ZP3: variants seen among roughly 807,000 people sequenced by gnomAD.
The protein encoded by ZP3 is zona pellucida sperm-binding protein 3.
A neutral mutation model predicts 35.6 loss-of-function variants in ZP3; 21 were observed. The observed-to-expected ratio is 0.59, with a 90% CI of 0.42 to 0.85. The LOEUF (loss-of-function observed/expected upper bound fraction) is 0.85. Among genes scored for constraint, ZP3 ranks in the 40% least tolerant of loss-of-function variants. The probability of loss-of-function intolerance (pLI) is 0.00; values close to 1 mark genes in which losing one functional copy is unlikely to be tolerated. For missense variants in ZP3, 437 were observed against 536.5 expected, an observed-to-expected ratio of 0.81 and a Z score of 1.83; for synonymous variants, 207 against 214.5, an observed-to-expected ratio of 0.96 and a Z score of 0.31.
chr7:76,433,887 C>G (rs1326265586), intron 4 of ZP3, 151 bp from the exon 5 acceptor site: 2 of 973,352 alleles, frequency 2.1e-6, no homozygotes, highest in African/African-American at 3.3e-5. Context: ...TTAGTAGAGA[C>G]AAGGTTTCAC....
intron 1 of ZP3, among the ~76,000 whole-genome samples, chr7:76,415,724 T>C (rs904817849): frequency 1.3e-5 from 2 of 151,062 alleles, no homozygotes; most frequent in African/African-American, 4.9e-5. Context: ...CTTGATCTCC[T>C]GACCTCGTGA....
chr7:76,414,789 C>T (rs79850662), intron 1 of ZP3, among the ~76,000 whole-genome samples: 1 of 1,674 alleles, frequency 6.0e-4, no homozygotes, highest in African/African-American at 2.1e-3. Flanking sequence ...GCCCCACCTG[C>T]GCCTCCTGAG....
chr7:76,440,388 G>A (rs781273562), intron 6 of ZP3, 47 bp downstream of exon 6: 98 of 1,611,618 alleles, frequency 6.1e-5, no homozygotes, highest in Non-Finnish European at 8.0e-5. Context: ...CTGAATCGGC[G>A]ACCCCTTGTC....
chr7:76,426,231 C>G, intron 1 of ZP3, among the ~76,000 whole-genome samples: 1 of 152,126 alleles, frequency 6.6e-6, no homozygotes, highest in East Asian at 1.9e-4. Flanking sequence ...AGGAAAAGAC[C>G]AAGAAATCCA....
intron 1 of ZP3, chr7:76,397,839 A>G: frequency 6.5e-7 from 1 of 1,550,194 alleles, no homozygotes; most frequent in Non-Finnish European, 8.7e-7. Flanking sequence ...TCACCTGGGG[A>G]TGGGGGCGGG....
intron 1 of ZP3, among the ~76,000 whole-genome samples, chr7:76,411,013 A>AAGAAAG (rs1554623389): frequency 7.6e-6 from 1 of 131,140 alleles, no homozygotes; most frequent in Admixed American, 8.1e-5. Context: ...AAAAAAAAAA[A>AAGAAAG]AAAAGAAAAG....
At chr7:76,439,184 G>A (rs866929358) in intron 5 of ZP3, among the ~76,000 whole-genome samples, 1,570 of 129,696 alleles carry the variant, frequency 0.012, no homozygotes, top group African/African-American at 0.043. Context: ...CTCCACAGAA[G>A]CAAGTCCAAA....
intron 1 of ZP3, among the ~76,000 whole-genome samples, chr7:76,415,344 G>C (rs1201390360): frequency 1.1e-5 from 1 of 94,532 alleles, no homozygotes; most frequent in Non-Finnish European, 1.9e-5. Context: ...TCAGCCTGGC[G>C]ATAGAGTGAG....
chr7:76,412,919 A>G (rs1805283271), intron 1 of ZP3, among the ~76,000 whole-genome samples: 1 of 147,780 alleles, frequency 6.8e-6, no homozygotes, highest in African/African-American at 2.5e-5. Context: ...ATCCCTATAC[A>G]TTCCTTTCTT....
intron 1 of ZP3, chr7:76,429,090 AG>A: frequency 4.7e-6 from 1 of 214,336 alleles, no homozygotes; most frequent in Non-Finnish European, 9.5e-6. Context: ...GGGGGCATGG[AG>A]GGGGAGTGTC....
intron 1 of ZP3, among the ~76,000 whole-genome samples, chr7:76,417,624 T>C (rs543146706): frequency 4.6e-5 from 7 of 151,844 alleles, no homozygotes; most frequent in African/African-American, 1.4e-4. Context: ...CTTTTTTTTT[T>C]TTTCGAGACA....
intron 1 of ZP3, among the ~76,000 whole-genome samples, chr7:76,411,695 A>T (rs1223220811): frequency 1.3e-5 from 2 of 152,176 alleles, no homozygotes; most frequent in African/African-American, 4.8e-5. Context: ...CACATTGCTG[A>T]TGGGAATGTA....
rs761028731 is a variant in ZP3 at position 76,404,385 on chromosome 7, C to T, written c.-67+6588C>T. 6 of 1,613,834 alleles carry T rather than the reference C, an allele frequency of 3.7e-6. No individual in the cohort carries two copies. The Admixed American group carries it at 1.0e-4, about 27-fold the overall frequency. On this transcript the variant is annotated intron_variant, in intron 1 of 8. Coordinates refer to the ZP3 transcript ENST00000336517. ...GCACTCCCATCTCCCAACCTCCACC[C>T]CCAGCGCTTCTCATCCAGCTGGGGA...
intron 1 of ZP3, chr7:76,404,420 A>G: frequency 1.2e-6 from 2 of 1,614,046 alleles, no homozygotes; most frequent in Non-Finnish European, 1.7e-6. Context: ...ACCAATTAGC[A>G]TCTCTGCTTC....
chr7:76,438,307 C>T (rs1209010908), intron 5 of ZP3, among the ~76,000 whole-genome samples: 1 of 152,190 alleles, frequency 6.6e-6, no homozygotes, highest in African/African-American at 2.4e-5. Flanking sequence ...CCAATAATCC[C>T]AGCACTTTGT....
intron 1 of ZP3, among the ~76,000 whole-genome samples, chr7:76,415,708 G>T (rs1374060184): frequency 1.3e-5 from 2 of 150,616 alleles, no homozygotes; most frequent in Non-Finnish European, 3.0e-5. Context: ...TGTTAGCCAG[G>T]ATGGTCTTGA....
chr7:76,423,063 G>GAAAGAAAA (rs1554624523), upstream of ZP3, among the ~76,000 whole-genome samples: 1 of 145,864 alleles, frequency 6.9e-6, no homozygotes, highest in Non-Finnish European at 1.5e-5. Flanking sequence ...AAGAAAGAAA[G>GAAAGAAAA]AAAGAAAGAA....
At chr7:76,423,769 G>A (rs1805577757), upstream of ZP3, among the ~76,000 whole-genome samples, 1 of 151,958 alleles carries the variant, frequency 6.6e-6, no homozygotes, top group Non-Finnish European at 1.5e-5. Context: ...GAGTAAGGCA[G>A]AAGAATTGCT....
intron 5 of ZP3, among the ~76,000 whole-genome samples, chr7:76,435,462 G>C (rs1433618249): frequency 1.3e-5 from 2 of 152,252 alleles, no homozygotes; most frequent in Non-Finnish European, 2.9e-5. Flanking sequence ...GCCTCAAGTA[G>C]CTTTTAAACA....
Sources: gnomAD v4.1 joint callset for allele counts (sites outside exome capture counted in the v4.1 genomes callset) on GRCh38, gnomAD v4.1.1 for gene constraint, MANE v1.5 for transcripts, NCBI Gene and HGNC (gene_info 2026-07-23, HGNC 2026-07-21) for gene names.